CRYBG1: variants seen among roughly 807,000 people sequenced by gnomAD.
CRYBG1 encodes the protein crystallin beta-gamma domain containing 1.
CRYBG1 carries 139 observed loss-of-function variants against 189.2 expected under a neutral mutation model. The observed-to-expected ratio is 0.73, with a 90% CI of 0.64 to 0.85. CRYBG1 has a LOEUF of 0.85. CRYBG1 is among the 40% of genes least tolerant of loss of function. CRYBG1 has a pLI of 0.00. For missense variants in CRYBG1, 2,611 were observed against 2,675.8 expected (o/e 0.98, Z 0.53); for synonymous variants, 1,023 against 1,017.1 (o/e 1.01, Z -0.11).
intron 4 of CRYBG1, among the ~76,000 whole-genome samples, chr6:106,523,453 C>G (rs1773655236): frequency 6.6e-6 from 1 of 152,150 alleles, no homozygotes; most frequent in East Asian, 1.9e-4. Context: ...AAGTTGATAA[C>G]AGAATATACA....
intron 21 of CRYBG1, among the ~76,000 whole-genome samples, chr6:106,564,990 G>A (rs1037250614): frequency 2.0e-5 from 3 of 151,524 alleles, no homozygotes; most frequent in African/African-American, 7.3e-5. Context: ...ACTTTAATCA[G>A]GGATTTAGGC....
intron 2 of CRYBG1, among the ~76,000 whole-genome samples, chr6:106,463,161 C>T (rs1772047240): frequency 6.6e-6 from 1 of 150,956 alleles, no homozygotes; most frequent in Non-Finnish European, 1.5e-5. Context: ...CTCTAAAAAA[C>T]AAAACAAGCC....
In CRYBG1 at chr6:106,512,626, C is replaced by A; in HGVS notation, c.1509C>A (p.Ser503Arg). Residue 503 changes from serine (S) to arginine (R), a missense_variant, in exon 3 of 22, where the codon AGC becomes AGA. Ser to Arg is a moderately radical substitution (Grantham distance 110). Transcript: ENST00000633556. ...KGQLRGESDR[S>R]KQPPPASSPT... ...AGCTCCGAGGGGAGTCGGACCGGAGCAAACAGCCACCCCCGGCTTCGTCCC... is the reference window on the plus strand; with the variant it reads ...AGCTCCGAGGGGAGTCGGACCGGAGAAAACAGCCACCCCCGGCTTCGTCCC... 6.3e-7 allele frequency: 1 copy of A among 1,597,302 alleles called. No homozygotes were observed. The highest frequency in any genetic ancestry group is 8.5e-7 in the Non-Finnish European group (1 of 1,173,044).
chr6:106,508,197 C>A (rs1001519404), intron 2 of CRYBG1, among the ~76,000 whole-genome samples: 2 of 152,202 alleles, frequency 1.3e-5, no homozygotes, highest in Non-Finnish European at 2.9e-5. Flanking sequence ...GAGCTGTGAT[C>A]GTGCCACTGC....
Position 106,540,027 on chromosome 6 carries a change from G to A in CRYBG1, c.4845+498G>A, listed in dbSNP as rs184626151. The stretch of plus-strand genomic sequence containing the variant: ...AGGGTGCAGCCTGAGAGAGAGCAGG[G>A]CACGCTGAGGACCGGCTCGGCTGCC... On this transcript the variant is annotated intron_variant, in intron 9 of 21. Transcript: ENST00000633556. Among the ~76,000 whole-genome samples, 434 of 152,250 alleles carry A rather than the reference G, an allele frequency of 2.9e-3. 4 individuals are homozygous for A. Among genetic ancestry groups the A allele is most frequent in the African/African-American group, 9.9e-3 (410 of 41,540 alleles).
intron 1 of CRYBG1, among the ~76,000 whole-genome samples, chr6:106,416,207 T>A (rs780631636): frequency 1.7e-4 from 26 of 152,198 alleles, no homozygotes; most frequent in Admixed American, 8.5e-4. Flanking sequence ...ACTCTCTCAA[T>A]ACCACTCCCA....
intron 13 of CRYBG1, 24 bp from the exon 14 acceptor site, chr6:106,551,828 C>A: frequency 2.5e-6 from 4 of 1,607,848 alleles, no homozygotes; most frequent in Non-Finnish European, 3.4e-6. Flanking sequence ...TGAACTCCAA[C>A]AAGTGATTGC....
chr6:106,468,799 T>G (rs541214468), intron 2 of CRYBG1, among the ~76,000 whole-genome samples: 1 of 152,360 alleles, frequency 6.6e-6, no homozygotes, highest in African/African-American at 2.4e-5. Context: ...TTTTTCCCAA[T>G]AATATGCAAG....
At chr6:106,363,139 GA>G (rs1771912722) in intron 1 of CRYBG1, among the ~76,000 whole-genome samples, 1 of 149,698 alleles carries the variant, frequency 6.7e-6, no homozygotes, top group Non-Finnish European at 1.5e-5. Context: ...AGCTACACGG[GA>G]GGCTGAGGCA....
intron 1 of CRYBG1, among the ~76,000 whole-genome samples, chr6:106,371,879 G>A (rs972252565): frequency 6.6e-6 from 1 of 152,190 alleles, no homozygotes; most frequent in African/African-American, 2.4e-5. Context: ...TGCATTGCTG[G>A]CACTTAATTG....
chr6:106,379,514 G>A (rs1381751563), intron 1 of CRYBG1, among the ~76,000 whole-genome samples: 1 of 152,004 alleles, frequency 6.6e-6, no homozygotes, highest in African/African-American at 2.4e-5. Context: ...ACCCGCCTCG[G>A]CCTCCCAAAG....
rs1562111588 is a variant in CRYBG1, at chr6:106,541,575, G to C, written c.4846-11G>C. On this transcript the variant is annotated splice_polypyrimidine_tract_variant and intron_variant, in intron 9 of 21. Coordinates refer to ENST00000633556, the MANE Select transcript of CRYBG1 (RefSeq NM_001371242.2). ...GAAAAACTATTTTTCTTACTATGTT[G>C]TTTTTTTCAGGGTGGCCGTAAAGTT... is the stretch of plus-strand genomic sequence containing the variant. The C allele has an allele frequency of 6.2e-7, 1 of 1,610,802 alleles. No individual in the cohort carries two copies. The highest frequency in any genetic ancestry group is 2.2e-5 in the East Asian group (1 of 44,832).
intron 19 of CRYBG1, 30 bp from the exon 20 acceptor site, chr6:106,561,312 A>G (rs1774711546): frequency 3.7e-6 from 6 of 1,609,052 alleles, no homozygotes; most frequent in East Asian, 2.2e-5. Context: ...CACATCTGGT[A>G]TAACAACTGC....
chr6:106,432,725 C>T (rs2114406308), intron 1 of CRYBG1, among the ~76,000 whole-genome samples: 1 of 152,356 alleles, frequency 6.6e-6, no homozygotes, highest in African/African-American at 2.4e-5. Context: ...CCTCCTTAAC[C>T]CTTGATTTGG....
chr6:106,566,723 A>T (rs539869475), intron 21 of CRYBG1, among the ~76,000 whole-genome samples: 83 of 152,130 alleles, frequency 5.5e-4, no homozygotes, highest in African/African-American at 1.9e-3. Flanking sequence ...ATGAGAGAGC[A>T]GCGCCGCACG....
chr6:106,454,062 G>A (rs1433282685), intron 2 of CRYBG1, among the ~76,000 whole-genome samples: 1 of 152,116 alleles, frequency 6.6e-6, no homozygotes, highest in Non-Finnish European at 1.5e-5. Context: ...CCTCAGAGAG[G>A]CTCAAAATCT....
intron 17 of CRYBG1, 94 bp downstream of exon 17, chr6:106,555,991 A>C (rs2114591079): frequency 7.2e-7 from 1 of 1,398,232 alleles, no homozygotes; most frequent in Admixed American, 1.8e-5. Context: ...CCTGCTCTTA[A>C]AGTTAGTTAA....
chr6:106,413,404 T>G (rs1363881501), intron 1 of CRYBG1, among the ~76,000 whole-genome samples: 1 of 152,160 alleles, frequency 6.6e-6, no homozygotes, highest in Non-Finnish European at 1.5e-5. Context: ...TGGCCAGGCA[T>G]GGTGGCTCAC....
intron 1 of CRYBG1, among the ~76,000 whole-genome samples, chr6:106,449,907 CA>C (rs1771743433): frequency 6.6e-6 from 1 of 151,988 alleles, no homozygotes; most frequent in Non-Finnish European, 1.5e-5. Context: ...TTATATAATG[CA>C]AACAATAGTG....
Sources: gnomAD v4.1 joint callset for allele counts (sites outside exome capture counted in the v4.1 genomes callset) on GRCh38, gnomAD v4.1.1 for gene constraint, MANE v1.5 for transcripts, NCBI Gene and HGNC (gene_info 2026-07-23, HGNC 2026-07-21) for gene names.